Variants in C17orf113 observed in about 807,000 individuals in gnomAD.
C17orf113 encodes the protein chromosome 17 open reading frame 113, also known as uncharacterized protein C17orf113.
In C17orf113, 5 loss-of-function variants were observed where a neutral mutation model predicts 11.6. That is an observed-to-expected ratio of 0.43 (90% confidence interval 0.23 to 0.91). C17orf113 has a LOEUF of 0.91. Ranked by LOEUF, C17orf113 falls within the 40% of genes least tolerant of loss-of-function variation. The pLI is 0.26. For missense variants in C17orf113, 714 were observed against 841.3 expected, an observed-to-expected ratio of 0.85 and a Z score of 1.87; for synonymous variants, 327 against 390.6, an observed-to-expected ratio of 0.84 and a Z score of 1.92.
At position 42,040,556 on chromosome 17, in the gene C17orf113, G is replaced by GCAGGGC; in HGVS notation, c.1171_1176dup (p.Ala391_Leu392dup). 8.1e-7 allele frequency: 1 copy of GCAGGGC among 1,233,056 alleles called. No homozygotes were observed. Among genetic ancestry groups the GCAGGGC allele is most frequent in the Non-Finnish European group, 1.0e-6 (1 of 988,716 alleles). The allele number at this position is 1,233,056 out of a possible 1,614,324, so 76.4% of individuals were successfully genotyped here. The stretch of plus-strand genomic sequence containing the variant: ...GTGAAGGCCACGAAGGTGAACTGGC[G>GCAGGGC]CAGGGCCAGGGCCAGTGACCCCGCC... On this transcript the variant is annotated inframe_insertion, in exon 3 of 3. Coordinates refer to ENST00000587304, the MANE Select transcript of C17orf113 (RefSeq NM_001358661.2).
intron 1 of C17orf113, among the ~76,000 whole-genome samples, chr17:42,046,537 C>T (rs1555656636): frequency 6.6e-6 from 1 of 151,984 alleles, no homozygotes; most frequent in Admixed American, 6.6e-5. Context: ...GAGTTCAAGG[C>T]TATAGTGAGC....
intron 1 of C17orf113, among the ~76,000 whole-genome samples, chr17:42,047,409 A>C (rs2053187909): frequency 6.6e-6 from 1 of 151,898 alleles, no homozygotes; most frequent in Admixed American, 6.6e-5. Flanking sequence ...TCCCGACCTC[A>C]GATGATCCGC....
At chr17:42,047,451 A>C (rs1411212282) in intron 1 of C17orf113, among the ~76,000 whole-genome samples, 1 of 152,078 alleles carries the variant, frequency 6.6e-6, no homozygotes, top group African/African-American at 2.4e-5. Flanking sequence ...CTGGGATTAC[A>C]GGCGCCTGGC....
In C17orf113 at chr17:42,043,268, C is replaced by CA; in HGVS notation, c.108dup (p.Asp37Ter). The CA allele has an allele frequency of 8.1e-7, 1 of 1,232,262 alleles. No individual in the cohort carries two copies. The highest frequency in any genetic ancestry group is 1.0e-6 in the Non-Finnish European group (1 of 988,018). The allele number at this position is 1,232,262 out of a possible 1,614,324, so 76.3% of individuals were successfully genotyped here. On this transcript the variant is annotated frameshift_variant, in exon 2 of 3. Transcript: ENST00000587304. LOFTEE classifies it high-confidence loss of function. ...CAGAACATCAGCTTCCGCTCATAGT[C>CA]AAAGTCCAGCCAGGTAAACTCCTCT...
At chr17:42,048,091 T>TC (rs1205875873) in intron 1 of C17orf113, among the ~76,000 whole-genome samples, 1 of 151,576 alleles carries the variant, frequency 6.6e-6, no homozygotes, top group East Asian at 1.9e-4. Flanking sequence ...GGTCATCTCC[T>TC]CCCCCCCTTC....
rs1347761512 is a variant in C17orf113, at chr17:42,040,204, G to A, written c.1529C>T (p.Ser510Leu). 4.1e-6 allele frequency: 5 copies of A among 1,231,478 alleles called. No homozygotes were observed. In the African/African-American group the frequency reaches 6.2e-5, roughly 15 times the overall value. The allele number at this position is 1,231,478 out of a possible 1,614,324, so 76.3% of individuals were successfully genotyped here. Residue 510 changes from serine (S) to leucine (L), a missense_variant, in exon 3 of 3, where the codon TCG becomes TTG. This residue lies in a region of C17orf113 where 516 missense variants were observed against 626.6 expected (regional missense o/e 0.82). Coordinates refer to ENST00000587304, the MANE Select transcript of C17orf113 (RefSeq NM_001358661.2). ...KGLQDSYPGP[S>L]LDAVAAFAAI... ...TGCGAAGGCGGCCACGGCGTCCAGC[G>A]AAGGCCCGGGGTAGGAGTCCTGTAG...
chr17:42,040,029 T>C lies in C17orf113; in HGVS notation c.1704A>G (p.Val568=), dbSNP rs2052973979. The C allele has an allele frequency of 2.4e-6, 3 of 1,230,938 alleles. No homozygotes were observed. The highest frequency in any genetic ancestry group is 6.3e-5 in the East Asian group (2 of 31,672). 76.3% of individuals were successfully genotyped at this position (1,230,938 alleles called of 1,614,324 possible). The change falls in exon 3 of 3, where the codon GTA becomes GTG. Residue 568 remains valine, a synonymous_variant. Transcript: ENST00000587304. ...LGDFALFKRV[V]FGLGRLGPRA... ...GCGGGCCGAGCCGCCCAAGGCCGAA[T>C]ACTACGCGCTTAAACAGCGCGAAGT...
At chr17:42,044,335 G>A (rs2053102625) in intron 1 of C17orf113, among the ~76,000 whole-genome samples, 2 of 148,330 alleles carry the variant, frequency 1.3e-5, no homozygotes, top group South Asian at 4.2e-4. Flanking sequence ...AAAAAAAGAC[G>A]GCCGGGTGGG....
In C17orf113 at chr17:42,041,085, G is replaced by A. The variant is rs1216138773; in HGVS notation, c.648C>T (p.His216=). 8.1e-7 allele frequency: 1 copy of A among 1,232,382 alleles called. No individual in the cohort carries two copies. The highest frequency in any genetic ancestry group is 1.0e-6 in the Non-Finnish European group (1 of 988,102). The allele number at this position is 1,232,382 out of a possible 1,614,324, so 76.3% of individuals were successfully genotyped here. ...CTGAAGTGGCAAACAGGGCCAGGCT[G>A]TGTGACTCCGGCCAGTCTCTGGTCT... ...LDETRDWPES[H]SLALFATSVS... The change falls in exon 3 of 3, where the codon CAC becomes CAT. Residue 216 remains histidine, a synonymous_variant. Coordinates refer to ENST00000587304, the MANE Select transcript of C17orf113 (RefSeq NM_001358661.2).
intron 1 of C17orf113, among the ~76,000 whole-genome samples, chr17:42,049,617 C>T (rs1555656927): frequency 1.3e-5 from 2 of 152,234 alleles, no homozygotes; most frequent in African/African-American, 4.8e-5. Flanking sequence ...TTGCCCAGCC[C>T]ACTATGCACA....
rs1388683248 is a variant in C17orf113 at position 42,038,421 on chromosome 17, A to C, written c.*1284T>G. On this transcript the variant is annotated 3_prime_UTR_variant, in exon 3 of 3. Coordinates refer to ENST00000587304, the MANE Select transcript of C17orf113 (RefSeq NM_001358661.2). ...TGAAGGGATGTGCTCCCCAGCTCTG[A>C]TGAGGCCTAAACTGCTTCCCCCAGG... 2 of 247,782 alleles carry C rather than the reference A, an allele frequency of 8.1e-6. No homozygotes were observed. Among genetic ancestry groups the C allele is most frequent in the Non-Finnish European group, 1.5e-5 (2 of 130,038 alleles). The allele number at this position is 247,782 out of a possible 1,614,324, so 15.3% of individuals were successfully genotyped here.
At position 42,040,596 on chromosome 17, in the gene C17orf113, G is replaced by A. The variant is rs925404079; in HGVS notation, c.1137C>T (p.Ala379=). The change falls in exon 3 of 3, where the codon GCC becomes GCT. Residue 379 remains alanine, a synonymous_variant. Transcript: ENST00000587304. ...PGLVPTLEAA[A]LASPVAGSLA... ...GTGACCCCGCCACAGGTGAGGCAAG[G>A]GCTGCAGCCTCCAGGGTGGGCACCA... The A allele has an allele frequency of 2.4e-6, 3 of 1,232,494 alleles. No homozygotes were observed. The highest frequency in any genetic ancestry group is 3.1e-4 in the Middle Eastern group (1 of 3,208). The allele number at this position is 1,232,494 out of a possible 1,614,324, so 76.3% of individuals were successfully genotyped here.
Position 42,039,552 on chromosome 17 carries a change from T to C in C17orf113, c.*153A>G, listed in dbSNP as rs1224591739. On this transcript the variant is annotated 3_prime_UTR_variant, in exon 3 of 3. Transcript: ENST00000587304. ...CCACAGCCCACAGGGTGGGGGGGGT[T>C]GGTGGGAAGCTCCAGAAGGGCGGGT... 2 of 598,998 alleles carry C rather than the reference T, an allele frequency of 3.3e-6. No homozygotes were observed. The highest frequency in any genetic ancestry group is 4.7e-5 in the Admixed American group (1 of 21,348). The allele number at this position is 598,998 out of a possible 1,614,324, so 37.1% of individuals were successfully genotyped here.
chr17:42,043,144 C>G lies in C17orf113; in HGVS notation c.233G>C (p.Arg78Pro). 1 of 1,232,192 alleles carries G rather than the reference C, an allele frequency of 8.1e-7. No homozygotes were observed. 76.3% of individuals were successfully genotyped at this position (1,232,192 alleles called of 1,614,324 possible). ...GCGGTGGGCTCCTGAGGTCACGTGG[C>G]GCAGCAGGGCGTGGCGCTGGAAGTT... ...TDNFQRHALL[R>P]HVTSGAHRQA... Residue 78 changes from arginine (R) to proline (P), a missense_variant, in exon 2 of 3, where the codon CGC becomes CCC. Around this residue, in one of 3 missense-constraint regions of C17orf113, gnomAD observed 516 missense variants for 626.6 expected, o/e 0.82. Transcript: ENST00000587304.
Position 42,040,201 on chromosome 17 carries a change from A to G in C17orf113, c.1532T>C (p.Leu511Pro). Residue 511 changes from leucine to proline, a missense_variant, in exon 3 of 3, where the codon CTG (leucine) becomes CCG (proline). This residue lies in a region of C17orf113 where 516 missense variants were observed against 626.6 expected (regional missense o/e 0.82). Coordinates refer to ENST00000587304, the MANE Select transcript of C17orf113 (RefSeq NM_001358661.2). Reference sequence around the variant, plus strand: ...CGCTGCGAAGGCGGCCACGGCGTCCAGCGAAGGCCCGGGGTAGGAGTCCTG... The same window carrying G: ...CGCTGCGAAGGCGGCCACGGCGTCCGGCGAAGGCCCGGGGTAGGAGTCCTG... Reference protein sequence around the residue: ...GLQDSYPGPSLDAVAAFAAIF... With the variant: ...GLQDSYPGPSPDAVAAFAAIF... 8.1e-7 allele frequency: 1 copy of G among 1,231,584 alleles called. No individual in the cohort carries two copies. Among genetic ancestry groups the G allele is most frequent in the East Asian group, 3.2e-5 (1 of 31,700 alleles). 76.3% of individuals were successfully genotyped at this position (1,231,584 alleles called of 1,614,324 possible).
chr17:42,049,976 G>C (rs1158619643), intron 1 of C17orf113, among the ~76,000 whole-genome samples: 1 of 152,216 alleles, frequency 6.6e-6, no homozygotes, highest in Non-Finnish European at 1.5e-5. Context: ...CTATTGGACA[G>C]AGCTGCTATA....
At position 42,050,138 on chromosome 17, in the gene C17orf113, C is replaced by G. The variant is rs2053250279; in HGVS notation, c.-188+419G>C. ...TGCAGACACAGGTCTCCTCTCATTT[C>G]TCTCCACACCCTGACCAGCCGGATG... is the stretch of plus-strand genomic sequence containing the variant. On this transcript the variant is annotated intron_variant, in intron 1 of 2. Transcript: ENST00000587304. The surrounding 1 kb of genome is among the most constrained non-coding windows in gnomAD (Gnocchi z 5.6). 6.6e-6 allele frequency among the ~76,000 whole-genome samples: 1 copy of G among 151,708 alleles called. No individual in the cohort carries two copies. Among genetic ancestry groups the G allele is most frequent in the Non-Finnish European group, 1.5e-5 (1 of 67,900 alleles).
rs2052916654 is a variant in C17orf113, at chr17:42,038,401, G to A, written c.*1304C>T. On this transcript the variant is annotated 3_prime_UTR_variant, in exon 3 of 3. Transcript: ENST00000587304. ...AATGGGAAACCCATGGGCTCTGAAG[G>A]GATGTGCTCCCCAGCTCTGATGAGG... is the stretch of plus-strand genomic sequence containing the variant. 1 of 297,230 alleles carries A rather than the reference G, an allele frequency of 3.4e-6. No homozygotes were observed. Among genetic ancestry groups the A allele is most frequent in the Non-Finnish European group, 6.3e-6 (1 of 159,276 alleles). 18.4% of individuals were successfully genotyped at this position (297,230 alleles called of 1,614,324 possible).
chr17:42,046,119 G>C (rs782691247), intron 1 of C17orf113, among the ~76,000 whole-genome samples: 10 of 152,244 alleles, frequency 6.6e-5, no homozygotes, highest in African/African-American at 2.4e-4. Flanking sequence ...CCATCCTCTA[G>C]TTCCCCACAG....
Sources: gnomAD v4.1 joint callset for allele counts (sites outside exome capture counted in the v4.1 genomes callset) on GRCh38, gnomAD v4.1.1 for gene constraint, gnomAD v4.1.1 regional missense constraint, Gnocchi (gnomAD v3.1) non-coding constraint, MANE v1.5 for transcripts, NCBI Gene and HGNC (gene_info 2026-07-23, HGNC 2026-07-21) for gene names.